KCNIP4: variants seen among roughly 807,000 people sequenced by gnomAD.
KCNIP4 encodes potassium voltage-gated channel interacting protein 4.
A neutral mutation model predicts 34.0 loss-of-function variants in KCNIP4; 12 were observed. The observed-to-expected ratio is 0.35, with a 90% confidence interval of 0.23 to 0.57. The LOEUF (loss-of-function observed/expected upper bound fraction) is 0.57, where lower values mean the gene tolerates loss of function less well. KCNIP4 is among the 20% of genes least tolerant of loss of function. KCNIP4 has a pLI of 0.83. For synonymous variants in KCNIP4, 124 were observed against 102.2 expected, an observed-to-expected ratio of 1.21 and a Z score of -1.29; for missense variants, 238 against 311.7, an observed-to-expected ratio of 0.76 and a Z score of 1.78.
intron 1 of KCNIP4, among the ~76,000 whole-genome samples, chr4:21,361,189 T>C (rs73102147): frequency 0.056 from 8,474 of 151,992 alleles, 360 homozygotes; most frequent in African/African-American, 0.11. Flanking sequence ...AGCACTGGAG[T>C]CAGTTGTCTT....
At chr4:20,891,069 A>T (rs956564892) in intron 1 of KCNIP4, among the ~76,000 whole-genome samples, 1 of 152,166 alleles carries the variant, frequency 6.6e-6, no homozygotes, top group African/African-American at 2.4e-5. Context: ...CCATAATGAG[A>T]ACTATTCTTA....
intron 1 of KCNIP4, among the ~76,000 whole-genome samples, chr4:21,694,941 T>C (rs57996382): frequency 4.8e-4 from 27 of 55,772 alleles, no homozygotes; most frequent in Non-Finnish European, 1.3e-3. Context: ...TAAAAATAAA[T>C]AAATAAATAA....
chr4:21,437,081 C>A (rs747912428), intron 1 of KCNIP4, among the ~76,000 whole-genome samples: 5 of 152,132 alleles, frequency 3.3e-5, no homozygotes, highest in Non-Finnish European at 5.9e-5. Context: ...TTTGCCTCAT[C>A]CCCTGGACAT....
At chr4:21,387,891 C>T (rs1722175352) in intron 1 of KCNIP4, among the ~76,000 whole-genome samples, 1 of 152,102 alleles carries the variant, frequency 6.6e-6, no homozygotes, top group African/African-American at 2.4e-5. Flanking sequence ...TGGTGCTAAG[C>T]AGTTAGTTTT....
intron 1 of KCNIP4, among the ~76,000 whole-genome samples, chr4:21,458,724 G>A (rs1216037918): frequency 6.6e-6 from 1 of 151,958 alleles, no homozygotes; most frequent in East Asian, 1.9e-4. Flanking sequence ...TATTCTCACA[G>A]CCAACTGATT....
chr4:21,834,517 A>G (rs1311089473), intron 1 of KCNIP4, among the ~76,000 whole-genome samples: 1 of 152,210 alleles, frequency 6.6e-6, no homozygotes, highest in Non-Finnish European at 1.5e-5. Flanking sequence ...TTTTCTAGAT[A>G]TACAATCATG....
intron 4 of KCNIP4, among the ~76,000 whole-genome samples, chr4:20,753,361 G>A (rs1259810282): frequency 2.0e-5 from 3 of 152,104 alleles, no homozygotes; most frequent in Admixed American, 1.3e-4. Context: ...ACAACTTGAG[G>A]CTAAGAAAAG....
At chr4:21,199,179 A>G (rs986081317) in intron 1 of KCNIP4, among the ~76,000 whole-genome samples, 2 of 152,228 alleles carry the variant, frequency 1.3e-5, no homozygotes, top group Non-Finnish European at 1.5e-5. Flanking sequence ...ACTAATTTAC[A>G]GTGCTACCGA....
At chr4:20,853,204 C>G (rs886436648) in intron 2 of KCNIP4, among the ~76,000 whole-genome samples, 1 of 152,114 alleles carries the variant, frequency 6.6e-6, no homozygotes, top group African/African-American at 2.4e-5. Context: ...GCAAAAAGAA[C>G]AAATCTGGAG....
intron 1 of KCNIP4, among the ~76,000 whole-genome samples, chr4:20,957,881 A>G (rs1182787033): frequency 1.3e-5 from 2 of 152,196 alleles, no homozygotes; most frequent in Non-Finnish European, 2.9e-5. Flanking sequence ...GGCTCTTCTC[A>G]TGGTATTCTC....
At chr4:21,109,638 A>C (rs1256393923) in intron 1 of KCNIP4, among the ~76,000 whole-genome samples, 3 of 152,158 alleles carry the variant, frequency 2.0e-5, no homozygotes, top group Non-Finnish European at 2.9e-5. Flanking sequence ...GGCACTCCCT[A>C]GTGAGACGAA....
At chr4:21,523,358 T>G (rs2108955466) in intron 1 of KCNIP4, among the ~76,000 whole-genome samples, 1 of 152,220 alleles carries the variant, frequency 6.6e-6, no homozygotes, top group African/African-American at 2.4e-5. Context: ...CGTCAAATGC[T>G]ATATTTAGTA....
Position 20,826,589 on chromosome 4 carries a change from AAAAC to A in KCNIP4, c.288+23950_288+23953del, listed in dbSNP as rs10687574. On this transcript the variant is annotated intron_variant, in intron 3 of 8. Transcript: ENST00000382152. ...GGACAACAGAGTGAGACCTTGTCTC[AAAAC>A]AAACAAACAAACAAACAAACAAACA... Among the ~76,000 whole-genome samples, 851 of 150,944 alleles carry A rather than the reference AAAAC, an allele frequency of 5.6e-3. 6 individuals are homozygous for A. Among genetic ancestry groups the A allele is most frequent in the African/African-American group, 9.9e-3 (403 of 40,818 alleles).
chr4:21,074,729 T>C (rs1017159710), intron 1 of KCNIP4, among the ~76,000 whole-genome samples: 7 of 152,202 alleles, frequency 4.6e-5, no homozygotes, highest in African/African-American at 1.7e-4. Flanking sequence ...ATTGTGATGT[T>C]AGGGTGTCAA....
chr4:20,803,715 GA>G (rs1262520232), intron 3 of KCNIP4, among the ~76,000 whole-genome samples: 2 of 118,202 alleles, frequency 1.7e-5, no homozygotes, highest in African/African-American at 6.3e-5. Context: ...GAGAGAGAGA[GA>G]GAGAGAGAGA....
At chr4:21,024,627 C>T (rs1740367369) in intron 1 of KCNIP4, among the ~76,000 whole-genome samples, 1 of 152,142 alleles carries the variant, frequency 6.6e-6, no homozygotes, top group South Asian at 2.1e-4. Flanking sequence ...ATTAAACACC[C>T]AGCAATAAGT....
chr4:21,503,267 C>T (rs1354711542), intron 1 of KCNIP4, among the ~76,000 whole-genome samples: 1 of 152,102 alleles, frequency 6.6e-6, no homozygotes, highest in East Asian at 1.9e-4. Flanking sequence ...GCCAAATTCT[C>T]CTAAATACAC....
At chr4:21,070,788 G>T (rs758232251) in intron 1 of KCNIP4, among the ~76,000 whole-genome samples, 4 of 141,638 alleles carry the variant, frequency 2.8e-5, no homozygotes, top group Non-Finnish European at 6.0e-5. Flanking sequence ...CAATTCTCCT[G>T]CCTCAGCCTC....
intron 1 of KCNIP4, among the ~76,000 whole-genome samples, chr4:21,265,903 A>G (rs2109118384): frequency 6.6e-6 from 1 of 152,370 alleles, no homozygotes; most frequent in East Asian, 1.9e-4. Context: ...TAAACAAGGT[A>G]ATTATTCAGA....
Sources: allele counts gnomAD v4.1 joint callset (sites outside exome capture counted in the v4.1 genomes callset), GRCh38; gene constraint gnomAD v4.1.1; transcripts MANE v1.5; gene names NCBI Gene and HGNC (gene_info 2026-07-23, HGNC 2026-07-21).